CACNA1C: variants seen among roughly 807,000 people sequenced by gnomAD.
The protein encoded by CACNA1C is calcium voltage-gated channel subunit alpha1 C, also known as voltage-dependent L-type calcium channel subunit alpha-1C.
Under a neutral mutation model 229.0 loss-of-function variants are expected in CACNA1C, and 30 were observed. The ratio of observed to expected loss-of-function variants is 0.13; its 90% confidence interval spans 0.10 to 0.18. The LOEUF (loss-of-function observed/expected upper bound fraction) is 0.18. Among genes scored for constraint, CACNA1C ranks in the 10% least tolerant of loss-of-function variants. The probability of loss-of-function intolerance (pLI) is 1.00; values close to 1 mark genes in which losing one functional copy is unlikely to be tolerated. For synonymous variants in CACNA1C, 1,114 were observed against 1,132.5 expected (o/e 0.98, Z 0.33); for missense variants, 1,658 against 2,845.0 (o/e 0.58, Z 9.49).
intron 29 of CACNA1C, among the ~76,000 whole-genome samples, chr12:2,619,220 G>A (rs756388730): frequency 1.2e-4 from 18 of 152,152 alleles, no homozygotes; most frequent in Non-Finnish European, 1.8e-4. Flanking sequence ...CTGTTTCTCT[G>A]TAAAGTAGGA....
chr12:2,105,002 C>T (rs1165658758), intron 1 of CACNA1C, among the ~76,000 whole-genome samples: 1 of 152,210 alleles, frequency 6.6e-6, no homozygotes, highest in South Asian at 2.1e-4. Context: ...GTGCCAAGGG[C>T]GTTATATCAG....
At chr12:2,476,258 C>T (rs544789663) in intron 5 of CACNA1C, among the ~76,000 whole-genome samples, 32 of 152,316 alleles carry the variant, frequency 2.1e-4, no homozygotes, top group Admixed American at 8.5e-4. Context: ...TCTGCCATGA[C>T]GCGGGCCAAC....
intron 1 of CACNA1C, chr12:1,991,791 T>C (rs181025917): frequency 6.4e-6 from 1 of 155,348 alleles, no homozygotes; most frequent in Non-Finnish European, 1.4e-5. Flanking sequence ...GAGTTTGTGT[T>C]TTTATATTTT....
chr12:2,357,450 GTTC>G (rs1347853147), intron 3 of CACNA1C, among the ~76,000 whole-genome samples: 2 of 152,054 alleles, frequency 1.3e-5, no homozygotes, highest in African/African-American at 4.8e-5. Flanking sequence ...ATCTGGAGAG[GTTC>G]TTCTTTTCTC....
chr12:2,374,095 C>T (rs545805814), intron 3 of CACNA1C, among the ~76,000 whole-genome samples: 1 of 152,316 alleles, frequency 6.6e-6, no homozygotes, highest in Admixed American at 6.5e-5. Flanking sequence ...GAACCCAGCA[C>T]CCTCTTCCGC....
At chr12:2,230,286 C>T (rs1311669783) in intron 3 of CACNA1C, among the ~76,000 whole-genome samples, 1 of 152,186 alleles carries the variant, frequency 6.6e-6, no homozygotes, top group African/African-American at 2.4e-5. Context: ...GGGGACGGCG[C>T]CGGGCTGCGG....
chr12:2,610,995 G>A (rs1418411911), intron 28 of CACNA1C, among the ~76,000 whole-genome samples: 1 of 151,606 alleles, frequency 6.6e-6, no homozygotes, highest in Non-Finnish European at 1.5e-5. Context: ...GATGGAGAAC[G>A]GAGGGATGAG....
intron 1 of CACNA1C, among the ~76,000 whole-genome samples, chr12:2,111,902 T>A (rs1002764631): frequency 1.3e-5 from 2 of 152,138 alleles, no homozygotes; most frequent in South Asian, 2.1e-4. Context: ...GCAGGTGGTG[T>A]AGTGGATGCT....
Position 2,694,680 on chromosome 12 carries a change from C to T in CACNA1C, c.*3481C>T, listed in dbSNP as rs554054921. 2.0e-5 allele frequency: 3 copies of T among 152,394 alleles called. No individual in the cohort carries two copies. The East Asian group carries it at 5.8e-4, about 29-fold the overall frequency. The allele number at this position is 152,394 out of a possible 1,614,324, so 9.4% of individuals were successfully genotyped here. On this transcript the variant is annotated 3_prime_UTR_variant, in exon 47 of 47. Coordinates refer to ENST00000399655, the MANE Select transcript of CACNA1C (RefSeq NM_000719.7). Reference sequence around the variant, plus strand: ...CCCGTTACTTTCTCCCAGCTTTTCTCCACCCAGCATGTCTCCTGCCCATGC... The same window carrying T: ...CCCGTTACTTTCTCCCAGCTTTTCTTCACCCAGCATGTCTCCTGCCCATGC...
At position 2,479,855 on chromosome 12, in the gene CACNA1C, G is replaced by A. The variant is rs1041129344; in HGVS notation, c.758-6249G>A. On this transcript the variant is annotated intron_variant, in intron 5 of 46. Coordinates refer to ENST00000399655, the MANE Select transcript of CACNA1C (RefSeq NM_000719.7). The surrounding 1 kb of genome is among the most constrained non-coding windows in gnomAD (Gnocchi z 4.3). ...CCATTTCTTTTCATCCAGGCTTTCC[G>A]TATTGGCAGAATCTCACATGGTGCC... 3.9e-5 allele frequency among the ~76,000 whole-genome samples: 6 copies of A among 152,272 alleles called. No homozygotes were observed. Among genetic ancestry groups the A allele is most frequent in the Admixed American group, 6.5e-5 (1 of 15,290 alleles).
Position 2,493,468 on chromosome 12 carries a change from C to CCCAAGA in CACNA1C, c.1113+85_1113+86insAGACCA. 2.8e-6 allele frequency: 3 copies of CCCAAGA among 1,069,054 alleles called. No individual in the cohort carries two copies. Among genetic ancestry groups the CCCAAGA allele is most frequent in the Non-Finnish European group, 4.3e-6 (3 of 696,050 alleles). The allele number at this position is 1,069,054 out of a possible 1,614,324, so 66.2% of individuals were successfully genotyped here. ...CCTGACACCTCCCTTTCTCCTCCTC[C>CCCAAGA]CCATGGTCTTGGGGTCACATACGCA... On this transcript the variant is annotated intron_variant, in intron 7 of 46. Coordinates refer to ENST00000399655, the MANE Select transcript of CACNA1C (RefSeq NM_000719.7). This position sits in a 1 kb window ranked among gnomAD's most constrained non-coding sequence, Gnocchi z 4.6.
chr12:2,582,062 G>A (rs2060675780), intron 14 of CACNA1C, among the ~76,000 whole-genome samples: 1 of 151,814 alleles, frequency 6.6e-6, no homozygotes, highest in Non-Finnish European at 1.5e-5. Context: ...CTTGAACCCA[G>A]GAGGCAGAGG....
At chr12:2,446,517 T>TGGAC (rs1303010204) in intron 3 of CACNA1C, among the ~76,000 whole-genome samples, 1 of 144,328 alleles carries the variant, frequency 6.9e-6, no homozygotes, top group East Asian at 2.1e-4. Flanking sequence ...GATGGATGGA[T>TGGAC]GGACAGGTAG....
At chr12:2,655,808 A>G (rs2095389581) in intron 34 of CACNA1C, among the ~76,000 whole-genome samples, 1 of 152,258 alleles carries the variant, frequency 6.6e-6, no homozygotes, top group Non-Finnish European at 1.5e-5. Flanking sequence ...CAATAAATGT[A>G]AGACACCATA....
At chr12:2,077,349 G>A (rs1371065809) in intron 1 of CACNA1C, among the ~76,000 whole-genome samples, 1 of 152,140 alleles carries the variant, frequency 6.6e-6, no homozygotes, top group Non-Finnish European at 1.5e-5. Context: ...TAATGTATGG[G>A]TAGTCCAAGG....
intron 9 of CACNA1C, among the ~76,000 whole-genome samples, chr12:2,527,484 A>T (rs1358161077): frequency 6.6e-6 from 1 of 152,214 alleles, no homozygotes; most frequent in African/African-American, 2.4e-5. Flanking sequence ...CAACCATTGT[A>T]TCTCATGTCC....
At chr12:2,535,861 A>G (rs1345802510) in intron 9 of CACNA1C, among the ~76,000 whole-genome samples, 2 of 152,222 alleles carry the variant, frequency 1.3e-5, no homozygotes, top group East Asian at 3.8e-4. Flanking sequence ...AAAGCAAAGG[A>G]CACGCTACAT....
chr12:2,440,334 A>C (rs1271313246), intron 3 of CACNA1C, among the ~76,000 whole-genome samples: 1 of 151,990 alleles, frequency 6.6e-6, no homozygotes, highest in Non-Finnish European at 1.5e-5. Flanking sequence ...GTCTCTGTGA[A>C]TTTGCCTACT....
chr12:2,153,927 C>T (rs983806956), intron 3 of CACNA1C, among the ~76,000 whole-genome samples: 2 of 152,236 alleles, frequency 1.3e-5, no homozygotes, highest in Non-Finnish European at 2.9e-5. Flanking sequence ...TCAACAAGTG[C>T]AGCTTTCACC....
Sources: allele counts gnomAD v4.1 joint callset (sites outside exome capture counted in the v4.1 genomes callset), GRCh38; gene constraint gnomAD v4.1.1; non-coding constraint Gnocchi (gnomAD v3.1); transcripts MANE v1.5; gene names NCBI Gene and HGNC (gene_info 2026-07-23, HGNC 2026-07-21).